The following GLIS3 variants were observed in gnomAD, a reference collection of about 807,000 sequenced individuals.
GLIS3 encodes the protein GLIS family zinc finger 3.
A neutral mutation model predicts 78.6 loss-of-function variants in GLIS3; 53 were observed. That is an observed-to-expected ratio of 0.67 (90% CI 0.54 to 0.85). GLIS3 has a LOEUF of 0.85. Ranked by LOEUF, GLIS3 falls within the 40% of genes least tolerant of loss-of-function variation. The pLI is 0.00. For missense variants in GLIS3, 1,703 were observed against 1,231.1 expected (o/e 1.38, Z -5.74); for synonymous variants, 684 against 509.9 (o/e 1.34, Z -4.60).
intron 4 of GLIS3, among the ~76,000 whole-genome samples, chr9:4,077,259 CTAGAAGTG>C (rs1207612669): frequency 2.0e-5 from 3 of 152,002 alleles, no homozygotes; most frequent in Non-Finnish European, 4.4e-5. Context: ...AGATAAATTC[CTAGAAGTG>C]TAATTGTTAA....
At chr9:4,216,641 T>C (rs1314889723) in intron 2 of GLIS3, among the ~76,000 whole-genome samples, 1 of 152,152 alleles carries the variant, frequency 6.6e-6, no homozygotes, top group Non-Finnish European at 1.5e-5. Context: ...TGGTGATGCA[T>C]ACCTAGTTGC....
At chr9:4,371,561 C>A in the GLIS3 span, among the ~76,000 whole-genome samples, 1 of 152,142 alleles carries the variant, frequency 6.6e-6, no homozygotes, top group Non-Finnish European at 1.5e-5. Context: ...TGGGGACACC[C>A]TACCACCCCT....
intron 9 of GLIS3, among the ~76,000 whole-genome samples, chr9:3,830,651 CA>C (rs1281377004): frequency 6.6e-6 from 1 of 152,172 alleles, no homozygotes; most frequent in Non-Finnish European, 1.5e-5. Flanking sequence ...ATTTCTTCCA[CA>C]AACACTAAAT....
At chr9:3,957,015 C>T (rs1404508807) in intron 4 of GLIS3, among the ~76,000 whole-genome samples, 1 of 152,212 alleles carries the variant, frequency 6.6e-6, no homozygotes, top group African/African-American at 2.4e-5. Flanking sequence ...CGCAGCATGG[C>T]ATCAGCAGTT....
At chr9:3,881,205 G>A (rs1434601184) in intron 7 of GLIS3, among the ~76,000 whole-genome samples, 1 of 152,040 alleles carries the variant, frequency 6.6e-6, no homozygotes, top group East Asian at 1.9e-4. Context: ...GGAGCTTGGT[G>A]TTTTATATAC....
chr9:4,059,719 C>T (rs1826464120), intron 4 of GLIS3, among the ~76,000 whole-genome samples: 1 of 151,910 alleles, frequency 6.6e-6, no homozygotes, highest in Non-Finnish European at 1.5e-5. Flanking sequence ...TGATAGATTC[C>T]TCCTCTTGCC....
chr9:4,469,158 G>A, the GLIS3 span, among the ~76,000 whole-genome samples: 3 of 152,154 alleles, frequency 2.0e-5, no homozygotes, highest in Non-Finnish European at 4.4e-5. Context: ...GACCTAGAAA[G>A]AGACTTAGAC....
chr9:4,012,218 G>A (rs963660182), intron 4 of GLIS3, among the ~76,000 whole-genome samples: 1 of 152,146 alleles, frequency 6.6e-6, no homozygotes, highest in Non-Finnish European at 1.5e-5. Context: ...GTTTTCCATA[G>A]CTCAGATGTC....
At chr9:4,106,165 C>T (rs1209783839) in intron 4 of GLIS3, among the ~76,000 whole-genome samples, 1 of 152,170 alleles carries the variant, frequency 6.6e-6, no homozygotes, top group Admixed American at 6.5e-5. Context: ...TTGAGATGGG[C>T]CAAAAGGTCA....
chr9:4,198,083 G>C (rs185334235), intron 2 of GLIS3, among the ~76,000 whole-genome samples: 88 of 152,316 alleles, frequency 5.8e-4, no homozygotes, highest in African/African-American at 2.0e-3. Context: ...AGGAATTCTA[G>C]CACCAAGAAA....
chr9:3,854,220 C>CTGTCT lies in GLIS3; in HGVS notation c.2473+1784_2473+1788dup, dbSNP rs527689388. Among the ~76,000 whole-genome samples, 217 of 152,316 alleles carry CTGTCT rather than the reference C, an allele frequency of 1.4e-3. 1 individual carries two copies. The highest frequency in any genetic ancestry group is 5.0e-3 in the African/African-American group (209 of 41,572). Reference sequence around the variant, plus strand: ...TCAGAGGGAAGAGGGCTCAATTTGACTGTCTTTTGCATGCCTTGATGCCTT... The same window carrying CTGTCT: ...TCAGAGGGAAGAGGGCTCAATTTGACTGTCTTGTCTTTTGCATGCCTTGATGCCTT... On this transcript the variant is annotated intron_variant, in intron 9 of 10. Coordinates refer to ENST00000381971, the MANE Select transcript of GLIS3 (RefSeq NM_001042413.2).
chr9:4,240,925 C>T (rs1480963539), intron 2 of GLIS3, among the ~76,000 whole-genome samples: 1 of 147,406 alleles, frequency 6.8e-6, no homozygotes, highest in East Asian at 2.0e-4. Flanking sequence ...AAAAAGAGAA[C>T]TTTAGATACT....
At chr9:4,167,134 A>T (rs1358395795) in intron 2 of GLIS3, among the ~76,000 whole-genome samples, 1 of 152,224 alleles carries the variant, frequency 6.6e-6, no homozygotes, top group Non-Finnish European at 1.5e-5. Context: ...TCATTGTACC[A>T]TTGACAGAAA....
chr9:4,093,901 T>C (rs1275698377), intron 4 of GLIS3, among the ~76,000 whole-genome samples: 1 of 152,258 alleles, frequency 6.6e-6, no homozygotes, highest in Non-Finnish European at 1.5e-5. Context: ...TCTCACCTTA[T>C]AATACCTCAT....
chr9:3,926,146 T>G (rs967292240), intron 6 of GLIS3, among the ~76,000 whole-genome samples: 1 of 152,186 alleles, frequency 6.6e-6, no homozygotes, highest in Non-Finnish European at 1.5e-5. Flanking sequence ...TAACATCTAT[T>G]GCTATAGTTT....
At chr9:4,385,898 G>C in the GLIS3 span, among the ~76,000 whole-genome samples, 2 of 152,066 alleles carry the variant, frequency 1.3e-5, no homozygotes, top group African/African-American at 4.8e-5. Context: ...TCCCGAAAGA[G>C]ATTCTAATCT....
chr9:4,185,555 T>C (rs1817710822), intron 2 of GLIS3, among the ~76,000 whole-genome samples: 1 of 152,224 alleles, frequency 6.6e-6, no homozygotes, highest in East Asian at 1.9e-4. Flanking sequence ...TGATGGTTTA[T>C]GTATTCATCA....
intron 4 of GLIS3, among the ~76,000 whole-genome samples, chr9:4,044,873 T>A (rs1012789101): frequency 6.6e-5 from 10 of 152,022 alleles, no homozygotes; most frequent in Non-Finnish European, 1.0e-4. Flanking sequence ...TCCCCCAGGA[T>A]AATAGAATGA....
chr9:3,877,812 G>C (rs2130447260), intron 8 of GLIS3, among the ~76,000 whole-genome samples: 1 of 151,906 alleles, frequency 6.6e-6, no homozygotes, highest in Middle Eastern at 3.4e-3. Flanking sequence ...TCTTCTCCTT[G>C]TTTTTCCCGT....
Sources: allele counts gnomAD v4.1 joint callset (sites outside exome capture counted in the v4.1 genomes callset), GRCh38; gene constraint gnomAD v4.1.1; transcripts MANE v1.5; gene names NCBI Gene and HGNC (gene_info 2026-07-23, HGNC 2026-07-21).